Variants in CDK19 observed in about 807,000 individuals in gnomAD.
CDK19 encodes cyclin-dependent kinase 19.
A neutral mutation model predicts 68.3 loss-of-function variants in CDK19; 20 were observed. That is an observed-to-expected ratio of 0.29 (90% CI 0.21 to 0.43). The LOEUF (loss-of-function observed/expected upper bound fraction) is 0.43, where lower values mean the gene tolerates loss of function less well. CDK19 is among the 20% of genes least tolerant of loss of function. The pLI is 1.00. For missense variants in CDK19, 339 were observed against 623.5 expected (o/e 0.54, Z 4.86); for synonymous variants, 221 against 222.8 (o/e 0.99, Z 0.07).
At chr6:110,752,642 A>T (rs1778548791) in intron 1 of CDK19, among the ~76,000 whole-genome samples, 1 of 152,202 alleles carries the variant, frequency 6.6e-6, no homozygotes, top group Non-Finnish European at 1.5e-5. Context: ...TTCTTTATTC[A>T]ACTTAAGAAT....
rs147069311 is a variant in CDK19 at position 110,773,248 on chromosome 6, G to A, written c.129-27047C>T. Among the ~76,000 whole-genome samples the A allele has an allele frequency of 4.3e-3, 660 of 151,928 alleles. 6 individuals carry two copies. Among genetic ancestry groups the A allele is most frequent in the African/African-American group, 0.015 (620 of 41,408 alleles). ...TAGTTCCAGCTACTTGGGAGGCTGA[G>A]GCAGGAGAATCACTTGAACCCAGGA... On this transcript the variant is annotated intron_variant, in intron 1 of 12. Transcript: ENST00000368911.
intron 2 of CDK19, among the ~76,000 whole-genome samples, chr6:110,694,078 A>G (rs1773270029): frequency 6.6e-6 from 1 of 151,854 alleles, no homozygotes; most frequent in Admixed American, 6.6e-5. Flanking sequence ...CACAATGAAA[A>G]AAAAAAAAAA....
chr6:110,810,160 G>A (rs921961335), intron 1 of CDK19, among the ~76,000 whole-genome samples: 1 of 152,116 alleles, frequency 6.6e-6, no homozygotes, highest in African/African-American at 2.4e-5. Context: ...AAGAAATGGT[G>A]GCAGGTATAA....
At chr6:110,667,412 A>G in intron 4 of CDK19, 22 bp downstream of exon 4, 1 of 1,484,174 alleles carries the variant, frequency 6.7e-7, no homozygotes, top group Non-Finnish European at 9.1e-7. Context: ...CATATTGATG[A>G]ATTTAAAAGA....
intron 4 of CDK19, among the ~76,000 whole-genome samples, chr6:110,663,232 A>G (rs1440312874): frequency 6.6e-6 from 1 of 152,230 alleles, no homozygotes; most frequent in Non-Finnish European, 1.5e-5. Flanking sequence ...ACAGCAATAG[A>G]AAATGAAGCA....
intron 1 of CDK19, among the ~76,000 whole-genome samples, chr6:110,801,345 C>G (rs1038453477): frequency 4.6e-5 from 7 of 151,998 alleles, no homozygotes; most frequent in African/African-American, 1.7e-4. Context: ...AGTAGCCAGG[C>G]TTAATGGTGT....
intron 4 of CDK19, among the ~76,000 whole-genome samples, chr6:110,640,077 C>T (rs750078845): frequency 1.3e-5 from 2 of 151,780 alleles, no homozygotes; most frequent in Non-Finnish European, 1.5e-5. Context: ...TTAAAATAGC[C>T]TAGTGTGGTG....
At chr6:110,638,133 T>C (rs1190080431) in intron 5 of CDK19, among the ~76,000 whole-genome samples, 1 of 152,176 alleles carries the variant, frequency 6.6e-6, no homozygotes, top group African/African-American at 2.4e-5. Flanking sequence ...TGCCTCAATC[T>C]AAGAGAGGCA....
chr6:110,718,292 G>T (rs940986576), intron 2 of CDK19, among the ~76,000 whole-genome samples: 6 of 152,148 alleles, frequency 3.9e-5, no homozygotes, highest in African/African-American at 1.4e-4. Flanking sequence ...GAAGCTGGGG[G>T]TCTAAACCGC....
At chr6:110,771,315 T>A (rs7740430) in intron 1 of CDK19, among the ~76,000 whole-genome samples, 1,555 of 152,326 alleles carry the variant, frequency 0.01, 28 homozygotes, top group African/African-American at 0.034. Context: ...CCTCAGTTCT[T>A]GACTTCTGTG....
chr6:110,612,886 T>C lies in CDK19; in HGVS notation c.*1649A>G, dbSNP rs1778099351. On this transcript the variant is annotated 3_prime_UTR_variant, in exon 13 of 13. Coordinates refer to ENST00000368911, the MANE Select transcript of CDK19 (RefSeq NM_015076.5). The stretch of plus-strand genomic sequence containing the variant: ...GCTGGCTACAGTATCACATCAATAG[T>C]GCAAAATGTATACTGGCTTCTGTCT... 1 of 152,664 alleles carries C rather than the reference T, an allele frequency of 6.6e-6. No individual in the cohort carries two copies. Among genetic ancestry groups the C allele is most frequent in the Admixed American group, 6.5e-5 (1 of 15,284 alleles). 9.5% of individuals were successfully genotyped at this position (152,664 alleles called of 1,614,324 possible). A position where few individuals can be genotyped will look rare whatever the true frequency, so the allele number is the denominator to read the frequency against.
intron 12 of CDK19, among the ~76,000 whole-genome samples, chr6:110,616,075 C>T (rs1018986999): frequency 7.9e-5 from 12 of 152,084 alleles, no homozygotes; most frequent in Admixed American, 7.2e-4. Context: ...TCCTAGCCTC[C>T]AAATTTTGAG....
At chr6:110,644,289 C>T (rs9386931) in intron 4 of CDK19, among the ~76,000 whole-genome samples, 23,364 of 144,736 alleles carry the variant, frequency 0.16, 2,091 homozygotes, top group South Asian at 0.31. Context: ...GAGACTTCAT[C>T]TCAAAAAAAA....
rs967522691 is a variant in CDK19, at chr6:110,783,998, A to T, written c.128+31011T>A. 2.0e-5 allele frequency among the ~76,000 whole-genome samples: 3 copies of T among 152,044 alleles called. No homozygotes were observed. The East Asian group carries it at 5.8e-4, about 29-fold the overall frequency. The stretch of plus-strand genomic sequence containing the variant: ...AACATGGTGAAACCCCATCTCTACT[A>T]AAAATACAAAAATTAGCCGGCATGA... On this transcript the variant is annotated intron_variant, in intron 1 of 12. Coordinates refer to ENST00000368911, the MANE Select transcript of CDK19 (RefSeq NM_015076.5).
chr6:110,719,879 C>T (rs929875707), intron 2 of CDK19, among the ~76,000 whole-genome samples: 2 of 151,626 alleles, frequency 1.3e-5, no homozygotes, highest in East Asian at 1.9e-4. Flanking sequence ...TACAGGCATG[C>T]GCCACCATGT....
rs138220060 is a variant in CDK19 at position 110,616,952 on chromosome 6, G to A, written c.1378-2286C>T. Among the ~76,000 whole-genome samples, 211 of 152,172 alleles carry A rather than the reference G, an allele frequency of 1.4e-3. 2 individuals are homozygous for A. Among genetic ancestry groups the A allele is most frequent in the Admixed American group, 3.8e-3 (58 of 15,278 alleles). ...AAGCCAATGTCCCGCTTTTCAAAGC[G>A]CTAATTGTACTTGCTTACAATACAT... On this transcript the variant is annotated intron_variant, in intron 12 of 12. Coordinates refer to ENST00000368911, the MANE Select transcript of CDK19 (RefSeq NM_015076.5).
Position 110,815,214 on chromosome 6 carries a change from C to T in CDK19, c.-78G>A. 1 of 1,420,930 alleles carries T rather than the reference C, an allele frequency of 7.0e-7. No individual in the cohort carries two copies. 88.0% of individuals were successfully genotyped at this position (1,420,930 alleles called of 1,614,324 possible). A position where few individuals can be genotyped will look rare whatever the true frequency, so the allele number is the denominator to read the frequency against. ...CCTCCTCCTCCTCCCCCCGCGACCG[C>T]CGCTCCACTTCTCCAACAGCCGCCT... On this transcript the variant is annotated 5_prime_UTR_variant, in exon 1 of 13. Transcript: ENST00000368911.
intron 2 of CDK19, among the ~76,000 whole-genome samples, chr6:110,687,960 AT>A (rs1471975669): frequency 2.0e-5 from 3 of 152,096 alleles, no homozygotes; most frequent in Admixed American, 2.0e-4. Context: ...TTATGTACAT[AT>A]TTTTTGCAGG....
chr6:110,708,682 T>C (rs958154537), intron 2 of CDK19, among the ~76,000 whole-genome samples: 1 of 152,230 alleles, frequency 6.6e-6, no homozygotes, highest in African/African-American at 2.4e-5. Context: ...AACATGACAC[T>C]GTGAGTGAAA....
Sources: gnomAD v4.1 joint callset for allele counts (sites outside exome capture counted in the v4.1 genomes callset) on GRCh38, gnomAD v4.1.1 for gene constraint, MANE v1.5 for transcripts, NCBI Gene and HGNC (gene_info 2026-07-23, HGNC 2026-07-21) for gene names.